Variants in AFF2 observed in about 807,000 individuals in gnomAD.
AFF2 encodes AF4/FMR2 family member 2.
A neutral mutation model predicts 76.9 loss-of-function variants in AFF2; 14 were observed. The ratio of observed to expected loss-of-function variants is 0.18; its 90% CI spans 0.12 to 0.28. The LOEUF (loss-of-function observed/expected upper bound fraction) is 0.28, where lower values mean the gene tolerates loss of function less well. Ranked by LOEUF, AFF2 falls within the 10% of genes least tolerant of loss-of-function variation. The probability of loss-of-function intolerance (pLI) is 1.00; values close to 1 mark genes in which losing one functional copy is unlikely to be tolerated. For synonymous variants in AFF2, 398 were observed against 366.7 expected (o/e 1.09, Z -0.98); for missense variants, 868 against 1,001.1 (o/e 0.87, Z 1.79).
chrX:148,678,078 T>G (rs1006985558), intron 3 of AFF2, among the ~76,000 whole-genome samples: 5 of 112,443 alleles, frequency 4.4e-5, no homozygotes, highest in African/African-American at 1.6e-4. Context: ...TACTTGACTT[T>G]ACTTATGCAG....
intron 7 of AFF2, among the ~76,000 whole-genome samples, chrX:148,847,922 C>T (rs2070686909): frequency 8.9e-6 from 1 of 111,965 alleles, no homozygotes; most frequent in Non-Finnish European, 1.9e-5. Context: ...GAAGTGTACA[C>T]AGTCCAGTAG....
chrX:148,833,111 G>A lies in AFF2; in HGVS notation c.1087-4536G>A, dbSNP rs782593723. The stretch of plus-strand genomic sequence containing the variant: ...GTAAAAGGGATACACACACACACTC[G>A]CACACACATAAACACACATGTGTGT... On this transcript the variant is annotated intron_variant, in intron 4 of 20. Transcript: ENST00000370460. 2.0e-3 allele frequency among the ~76,000 whole-genome samples: 218 copies of A among 110,745 alleles called. 1 individual carries two copies. Among genetic ancestry groups the A allele is most frequent in the African/African-American group, 6.6e-3 (200 of 30,443 alleles).
At position 148,579,233 on chromosome X, in the gene AFF2, G is replaced by C. The variant is rs2053325570; in HGVS notation, c.48-72766G>C. ...TAAGCACCATTGTTAGATTCCATAC[G>C]CTGAACTGAAAACCCACGTATGTCT... On this transcript the variant is annotated intron_variant, in intron 1 of 20. Transcript: ENST00000370460. Among the ~76,000 whole-genome samples, 5 of 111,972 alleles carry C rather than the reference G, an allele frequency of 4.5e-5. No homozygotes were observed. The Admixed American group carries it at 4.7e-4, about 11-fold the overall frequency.
In AFF2 at chrX:148,954,678, A is replaced by G. The variant is rs1557287001; in HGVS notation, c.1558-925A>G. ...ACAGATAGACAGTAGTAGAGCCAGG[A>G]CTGAAAACCCTGGTCCATGTGTATC... On this transcript the variant is annotated intron_variant, in intron 10 of 20. Transcript: ENST00000370460. Among the ~76,000 whole-genome samples, 8 of 112,170 alleles carry G rather than the reference A, an allele frequency of 7.1e-5. No individual in the cohort carries two copies. In the Admixed American group the frequency reaches 7.6e-4, roughly 11 times the overall value.
At chrX:148,764,281 A>G (rs1557267523) in intron 3 of AFF2, among the ~76,000 whole-genome samples, 1 of 112,452 alleles carries the variant, frequency 8.9e-6, no homozygotes, top group Non-Finnish European at 1.9e-5. Context: ...AATTGAAATT[A>G]GAAACAGATA....
chrX:148,712,555 G>T (rs782001746), intron 3 of AFF2, among the ~76,000 whole-genome samples: 1 of 111,660 alleles, frequency 9.0e-6, no homozygotes, highest in East Asian at 2.8e-4. Flanking sequence ...TGATCAGACT[G>T]GGCAACCCCT....
intron 1 of AFF2, among the ~76,000 whole-genome samples, chrX:148,519,073 C>T (rs183280799): frequency 1.2e-4 from 13 of 111,567 alleles, no homozygotes; most frequent in Non-Finnish European, 1.5e-4. Flanking sequence ...ACAACTCCAG[C>T]GTATTAATTA....
chrX:148,851,815 C>T (rs1557275406), intron 7 of AFF2, among the ~76,000 whole-genome samples: 1 of 109,792 alleles, frequency 9.1e-6, no homozygotes, highest in East Asian at 2.9e-4. Context: ...CATATTGTTT[C>T]ATCAACAAGT....
chrX:148,607,671 C>T lies in AFF2; in HGVS notation c.48-44328C>T, dbSNP rs902315989. On this transcript the variant is annotated intron_variant, in intron 1 of 20. Coordinates refer to ENST00000370460, the MANE Select transcript of AFF2 (RefSeq NM_002025.4). Reference sequence around the variant, plus strand: ...GCAACATCAAAGGGGCACACAACCACTCTATATAAATCCTGCAGGAATACC... The same window carrying T: ...GCAACATCAAAGGGGCACACAACCATTCTATATAAATCCTGCAGGAATACC... Among the ~76,000 whole-genome samples the T allele has an allele frequency of 1.1e-4, 12 of 111,934 alleles. No individual in the cohort carries two copies. The East Asian group carries it at 3.1e-3, about 29-fold the overall frequency.
At chrX:148,898,290 A>T (rs1308579840) in intron 8 of AFF2, among the ~76,000 whole-genome samples, 1 of 112,181 alleles carries the variant, frequency 8.9e-6, no homozygotes, top group Non-Finnish European at 1.9e-5. Context: ...TGGCAGTGTG[A>T]GTGAAATTGA....
At chrX:148,524,097 TTCTC>T (rs374800530) in intron 1 of AFF2, among the ~76,000 whole-genome samples, 63 of 78,245 alleles carry the variant, frequency 8.1e-4, no homozygotes, top group Non-Finnish European at 1.1e-3. Context: ...CTCTCTCTCT[TTCTC>T]TCTCTCTCTC....
At chrX:148,591,198 A>G (rs1390581507) in intron 1 of AFF2, among the ~76,000 whole-genome samples, 2 of 112,463 alleles carry the variant, frequency 1.8e-5, no homozygotes, top group African/African-American at 6.5e-5. Context: ...TGCCATCAGC[A>G]GACATGAGCC....
chrX:148,762,448 GAT>G (rs4038759), intron 3 of AFF2, among the ~76,000 whole-genome samples: 10,664 of 86,717 alleles, frequency 0.12, 674 homozygotes, highest in Non-Finnish European at 0.15. Context: ...TATGCTTAGT[GAT>G]ATATATATAT....
intron 7 of AFF2, among the ~76,000 whole-genome samples, chrX:148,860,780 G>A (rs147407552): frequency 0.035 from 3,861 of 111,439 alleles, 66 homozygotes; most frequent in Middle Eastern, 0.078. Flanking sequence ...TTTATTAGGG[G>A]AAGTCACTTT....
chrX:148,588,196 C>T (rs1170831939), intron 1 of AFF2, among the ~76,000 whole-genome samples: 1 of 112,751 alleles, frequency 8.9e-6, no homozygotes, highest in Admixed American at 9.3e-5. Flanking sequence ...AACGTTAATC[C>T]AGAATTGGTG....
intron 1 of AFF2, among the ~76,000 whole-genome samples, chrX:148,644,380 G>C (rs944530249): frequency 3.2e-4 from 36 of 111,391 alleles, no homozygotes; most frequent in African/African-American, 1.1e-3. Context: ...CTGACTAATT[G>C]TGTGGTGTTG....
At chrX:148,789,435 T>C (rs782495374) in intron 3 of AFF2, among the ~76,000 whole-genome samples, 3 of 111,837 alleles carry the variant, frequency 2.7e-5, no homozygotes, top group Non-Finnish European at 5.6e-5. Context: ...GAATCACACT[T>C]GTAAACTCAT....
rs1333730396 is a variant in AFF2 at position 148,735,261 on chromosome X, G to A, written c.1041+72493G>A. Among the ~76,000 whole-genome samples the A allele has an allele frequency of 1.2e-4, 14 of 112,405 alleles. No individual in the cohort carries two copies. The Admixed American group carries it at 1.3e-3, about 11-fold the overall frequency. ...GATGCACAGTTCTCTTTGAGAGTCT[G>A]TGTATATTTATGCACATATCCACCT... On this transcript the variant is annotated intron_variant, in intron 3 of 20. Coordinates refer to ENST00000370460, the MANE Select transcript of AFF2 (RefSeq NM_002025.4).
At chrX:148,565,557 A>G (rs1320859223) in intron 1 of AFF2, among the ~76,000 whole-genome samples, 2 of 111,648 alleles carry the variant, frequency 1.8e-5, no homozygotes, top group African/African-American at 6.5e-5. Flanking sequence ...AATGATAAAA[A>G]TAAATTTCAT....
Sources: allele counts gnomAD v4.1 joint callset (sites outside exome capture counted in the v4.1 genomes callset), GRCh38; gene constraint gnomAD v4.1.1; transcripts MANE v1.5; gene names NCBI Gene and HGNC (gene_info 2026-07-23, HGNC 2026-07-21).